KLF15: variants seen among roughly 807,000 people sequenced by gnomAD.
KLF15 encodes KLF transcription factor 15, also known as Krueppel-like factor 15.
Under a neutral mutation model 24.6 loss-of-function variants are expected in KLF15, and 4 were observed. The ratio of observed to expected loss-of-function variants is 0.16; its 90% CI spans 0.08 to 0.37. KLF15 has a LOEUF of 0.37. Ranked by LOEUF, KLF15 falls within the 10% of genes least tolerant of loss-of-function variation. The probability of loss-of-function intolerance (pLI) is 1.00; values close to 1 mark genes in which losing one functional copy is unlikely to be tolerated. For synonymous variants in KLF15, 246 were observed against 236.3 expected (o/e 1.04, Z -0.37); for missense variants, 496 against 560.6 (o/e 0.88, Z 1.16).
intron 2 of KLF15, among the ~76,000 whole-genome samples, chr3:126,348,348 C>T (rs2082553722): frequency 6.6e-6 from 1 of 152,084 alleles, no homozygotes; most frequent in Non-Finnish European, 1.5e-5. Context: ...GTTATTATCT[C>T]GATTGTGGTC....
In KLF15 at chr3:126,352,509, C is replaced by A. The variant is rs938344775; in HGVS notation, c.414G>T (p.Gln138His). ...ACTCTTCAATCTCCTCCAGGGTAGG[C>A]TGGAAGGGCCGTGGGACGTCATCAG... ...GDPDDVPRPF[Q>H]PTLEEIEEFL... The change falls in exon 2 of 3, where the codon CAG becomes CAT. Residue 138 changes from glutamine to histidine, a missense_variant. This residue lies in a region of KLF15 where 399 missense variants were observed against 423.1 expected (regional missense o/e 0.94). Coordinates refer to ENST00000296233, the MANE Select transcript of KLF15 (RefSeq NM_014079.4). The A allele has an allele frequency of 6.2e-7, 1 of 1,613,244 alleles. No individual in the cohort carries two copies.
At chr3:126,323,447 T>TTATA in the KLF15 span, among the ~76,000 whole-genome samples, 1,187 of 52,174 alleles carry the variant, frequency 0.023, 105 homozygotes, top group African/African-American at 0.076. Context: ...CATATATATG[T>TTATA]TATATATATA....
chr3:126,352,809 G>T lies in KLF15; in HGVS notation c.114C>A (p.Pro38=). The T allele has an allele frequency of 1.3e-6, 2 of 1,599,156 alleles. No homozygotes were observed. Among genetic ancestry groups the T allele is most frequent in the East Asian group, 2.3e-5 (1 of 44,090 alleles). The change falls in exon 2 of 3, where the codon CCC becomes CCA. Residue 38 remains proline, a synonymous_variant. Coordinates refer to ENST00000296233, the MANE Select transcript of KLF15 (RefSeq NM_014079.4). ...GRRAYHMLPS[P]VSEDDSDASS... The stretch of plus-strand genomic sequence containing the variant: ...AGGCATCGCTGTCATCTTCAGAGAC[G>T]GGTGAGGGCAGCATGTGATATGCCC...
intron 1 of KLF15, 82 bp from the exon 2 acceptor site, chr3:126,353,029 C>T: frequency 6.9e-7 from 1 of 1,443,900 alleles, no homozygotes. Flanking sequence ...CCACCCTCAG[C>T]TGCCTGCCCA....
At chr3:126,319,290 C>T in the KLF15 span, among the ~76,000 whole-genome samples, 16 of 152,190 alleles carry the variant, frequency 1.1e-4, no homozygotes, top group African/African-American at 3.9e-4. Flanking sequence ...GTTTTCAATT[C>T]ATTTGGGTAA....
intron 2 of KLF15, among the ~76,000 whole-genome samples, chr3:126,349,249 C>T (rs374863986): frequency 2.8e-4 from 42 of 152,190 alleles, no homozygotes; most frequent in Non-Finnish European, 2.9e-4. Flanking sequence ...AGCCGAACAG[C>T]GCCTCTGCCA....
At chr3:126,307,565 C>T in the KLF15 span, among the ~76,000 whole-genome samples, 27 of 152,324 alleles carry the variant, frequency 1.8e-4, no homozygotes, top group East Asian at 5.2e-3. Flanking sequence ...GCTACAGCAC[C>T]TTCCCTCTCC....
intron 2 of KLF15, among the ~76,000 whole-genome samples, chr3:126,344,528 A>G (rs933705212): frequency 2.6e-5 from 4 of 152,204 alleles, no homozygotes; most frequent in Non-Finnish European, 4.4e-5. Context: ...CCCAGTGTGC[A>G]GGGGTCTCTG....
the KLF15 span, among the ~76,000 whole-genome samples, chr3:126,318,508 GA>G: frequency 1.3e-5 from 2 of 152,182 alleles, no homozygotes; most frequent in Admixed American, 1.3e-4. Context: ...GACCTAAGGG[GA>G]AGGGTGATGT....
downstream of KLF15, among the ~76,000 whole-genome samples, chr3:126,339,688 G>T (rs2082465139): frequency 6.6e-6 from 1 of 152,064 alleles, no homozygotes; most frequent in Non-Finnish European, 1.5e-5. Context: ...GCCAGGCCTT[G>T]GATAGCCTGA....
chr3:126,291,140 C>T, the KLF15 span: 3 of 152,388 alleles, frequency 2.0e-5, no homozygotes, highest in South Asian at 6.2e-4. Flanking sequence ...CCCTGTTCAC[C>T]TAGCCTCCAG....
At chr3:126,316,562 C>T in the KLF15 span, among the ~76,000 whole-genome samples, 3 of 131,696 alleles carry the variant, frequency 2.3e-5, no homozygotes, top group Non-Finnish European at 3.1e-5. Context: ...AGAGGGTACA[C>T]GGGCTGGAGT....
chr3:126,324,031 T>C, the KLF15 span, among the ~76,000 whole-genome samples: 51 of 134,134 alleles, frequency 3.8e-4, no homozygotes, highest in East Asian at 2.1e-3. Context: ...AATAAACATA[T>C]GTGTGCATGT....
intron 2 of KLF15, among the ~76,000 whole-genome samples, chr3:126,344,339 C>T (rs1175761166): frequency 6.6e-6 from 1 of 152,116 alleles, no homozygotes; most frequent in East Asian, 1.9e-4. Flanking sequence ...GGATTAAAGG[C>T]GTGAGCCACT....
the KLF15 span, among the ~76,000 whole-genome samples, chr3:126,310,680 G>A: frequency 2.7e-4 from 41 of 152,208 alleles, no homozygotes; most frequent in Admixed American, 6.5e-4. Context: ...TCCTCACATG[G>A]TCTTCCATCT....
chr3:126,321,419 G>A, the KLF15 span, among the ~76,000 whole-genome samples: 5 of 152,372 alleles, frequency 3.3e-5, no homozygotes, highest in East Asian at 1.9e-4. Context: ...TGCAAAGGCT[G>A]TGGCTCCTGC....
chr3:126,353,493 G>A (rs368928591), intron 1 of KLF15, among the ~76,000 whole-genome samples: 3 of 152,174 alleles, frequency 2.0e-5, no homozygotes, highest in African/African-American at 7.2e-5. Flanking sequence ...AGTTACATTC[G>A]AATTTCAGAT....
chr3:126,318,389 G>T, the KLF15 span, among the ~76,000 whole-genome samples: 1 of 152,158 alleles, frequency 6.6e-6, no homozygotes, highest in African/African-American at 2.4e-5. Context: ...CTTGACTCCT[G>T]TTATGGTAGC....
the KLF15 span, among the ~76,000 whole-genome samples, chr3:126,319,434 G>A: frequency 5.9e-5 from 9 of 152,172 alleles, no homozygotes; most frequent in Admixed American, 2.0e-4. Flanking sequence ...CCACATCATT[G>A]CCAGCATTTG....
Sources: allele counts gnomAD v4.1 joint callset (sites outside exome capture counted in the v4.1 genomes callset), GRCh38; gene constraint gnomAD v4.1.1; regional missense constraint gnomAD v4.1.1; transcripts MANE v1.5; gene names NCBI Gene and HGNC (gene_info 2026-07-23, HGNC 2026-07-21).